The following SCARA3 variants were observed in gnomAD, a reference collection of about 807,000 sequenced individuals.
SCARA3 encodes cellular stress response gene protein.
In SCARA3, 39 loss-of-function variants were observed where a neutral mutation model predicts 47.0. The observed-to-expected ratio is 0.83, with a 90% CI of 0.64 to 1.08. SCARA3 has a LOEUF of 1.08. Ranked by LOEUF, SCARA3 falls within the 50% of genes least tolerant of loss-of-function variation. The pLI is 0.00. For synonymous variants in SCARA3, 356 were observed against 334.1 expected, an observed-to-expected ratio of 1.07 and a Z score of -0.71; for missense variants, 724 against 792.3, an observed-to-expected ratio of 0.91 and a Z score of 1.04.
chr8:27,661,557 TAAG>T (rs1249841003), intron 5 of SCARA3, among the ~76,000 whole-genome samples: 1 of 151,950 alleles, frequency 6.6e-6, no homozygotes. Context: ...ATTAAAAAAA[TAAG>T]GAGGATTGAT....
chr8:27,686,959 C>T, the SCARA3 span, among the ~76,000 whole-genome samples: 3 of 151,974 alleles, frequency 2.0e-5, no homozygotes, highest in Admixed American at 1.3e-4. Context: ...ACCCACCCCT[C>T]GACAGGCCCC....
the SCARA3 span, among the ~76,000 whole-genome samples, chr8:27,700,112 T>G: frequency 6.6e-6 from 1 of 152,126 alleles, no homozygotes; most frequent in Non-Finnish European, 1.5e-5. Context: ...CTTTAAGAAA[T>G]ATGGTCATGA....
At chr8:27,688,486 A>C in the SCARA3 span, among the ~76,000 whole-genome samples, 1 of 151,882 alleles carries the variant, frequency 6.6e-6, no homozygotes, top group African/African-American at 2.4e-5. Flanking sequence ...GCTTGAGTGC[A>C]GGAGTTCAAG....
At chr8:27,673,118 C>A (rs1425786434), downstream of SCARA3, 5 of 513,626 alleles carry the variant, frequency 9.7e-6, no homozygotes, top group Middle Eastern at 9.7e-4. Context: ...GACGAGGGTC[C>A]CCCAAAAATT....
intron 1 of SCARA3, among the ~76,000 whole-genome samples, chr8:27,648,189 G>A (rs568545097): frequency 3.3e-5 from 5 of 152,362 alleles, no homozygotes; most frequent in African/African-American, 1.2e-4. Context: ...GGGCTGCTAA[G>A]CAACATTCTT....
chr8:27,690,131 C>T, the SCARA3 span, among the ~76,000 whole-genome samples: 1 of 152,142 alleles, frequency 6.6e-6, no homozygotes, highest in Non-Finnish European at 1.5e-5. Flanking sequence ...TCTTAACACT[C>T]TGGGATAAAA....
chr8:27,711,674 A>T, the SCARA3 span, among the ~76,000 whole-genome samples: 3 of 152,162 alleles, frequency 2.0e-5, no homozygotes, highest in Non-Finnish European at 4.4e-5. Context: ...GCTAGGAAAT[A>T]TATATTTTTG....
At chr8:27,636,776 G>T (rs1212206221) in intron 1 of SCARA3, among the ~76,000 whole-genome samples, 9 of 152,196 alleles carry the variant, frequency 5.9e-5, no homozygotes, top group Admixed American at 5.9e-4. Flanking sequence ...ATGGGCTGCG[G>T]GGCTGGGGGC....
At chr8:27,668,974 A>G (rs920669008) in intron 5 of SCARA3, among the ~76,000 whole-genome samples, 3 of 152,216 alleles carry the variant, frequency 2.0e-5, no homozygotes, top group African/African-American at 7.2e-5. Flanking sequence ...GTGTAGGAGC[A>G]GGGCAGGGCA....
At chr8:27,695,595 C>G in the SCARA3 span, among the ~76,000 whole-genome samples, 2 of 151,894 alleles carry the variant, frequency 1.3e-5, no homozygotes, top group African/African-American at 2.4e-5. Flanking sequence ...TATTAGCAGA[C>G]AAACACTAAA....
chr8:27,717,215 C>G, the SCARA3 span, among the ~76,000 whole-genome samples: 1 of 152,276 alleles, frequency 6.6e-6, no homozygotes, highest in East Asian at 1.9e-4. Flanking sequence ...AGGTGAAGTT[C>G]TTTGCAAATT....
the SCARA3 span, among the ~76,000 whole-genome samples, chr8:27,710,019 A>G: frequency 1.3e-5 from 2 of 152,178 alleles, no homozygotes; most frequent in East Asian, 1.9e-4. Context: ...TCATGAGGTC[A>G]GGAGATCAAG....
At chr8:27,643,955 A>G (rs1801438280) in intron 1 of SCARA3, among the ~76,000 whole-genome samples, 1 of 152,044 alleles carries the variant, frequency 6.6e-6, no homozygotes, top group African/African-American at 2.4e-5. Context: ...GCTATTTTCT[A>G]CCCCCAAAGG....
the SCARA3 span, among the ~76,000 whole-genome samples, chr8:27,726,779 G>GTATT: frequency 0.019 from 2,862 of 152,052 alleles, 87 homozygotes; most frequent in African/African-American, 0.064. Flanking sequence ...TGCTTTGACA[G>GTATT]TATTTATTTA....
At chr8:27,645,375 AGTTGAGGGGAGCT>A (rs1801471462) in intron 1 of SCARA3, among the ~76,000 whole-genome samples, 1 of 152,272 alleles carries the variant, frequency 6.6e-6, no homozygotes, top group Non-Finnish European at 1.5e-5. Context: ...TGCTGAAAGC[AGTTGAGGGGAGCT>A]TTCCTGACCA....
intron 1 of SCARA3, among the ~76,000 whole-genome samples, chr8:27,642,467 G>T (rs1205768062): frequency 6.6e-6 from 1 of 152,190 alleles, no homozygotes; most frequent in Non-Finnish European, 1.5e-5. Context: ...AGGGAAGTGG[G>T]GTGCCCATGC....
chr8:27,672,359 G>A lies in SCARA3; in HGVS notation c.*1008G>A. 1 of 985,492 alleles carries A rather than the reference G, an allele frequency of 1.0e-6. No individual in the cohort carries two copies. The highest frequency in any genetic ancestry group is 4.7e-5 in the South Asian group (1 of 21,294). 61.0% of individuals were successfully genotyped at this position (985,492 alleles called of 1,614,324 possible). A position where few individuals can be genotyped will look rare whatever the true frequency, so the allele number is the denominator to read the frequency against. On this transcript the variant is annotated 3_prime_UTR_variant, in exon 6 of 6. Transcript: ENST00000301904. ...GGAACATTGGGCCTGAGTGGAGATG[G>A]GAGACAGAGGCAGGCCAGAAGGTTC...
chr8:27,722,423 A>G, the SCARA3 span, among the ~76,000 whole-genome samples: 1 of 152,102 alleles, frequency 6.6e-6, no homozygotes, highest in Non-Finnish European at 1.5e-5. Context: ...CATCTATAAA[A>G]AAAGAGGTCA....
At chr8:27,689,146 G>T in the SCARA3 span, among the ~76,000 whole-genome samples, 1 of 152,082 alleles carries the variant, frequency 6.6e-6, no homozygotes, top group Non-Finnish European at 1.5e-5. Context: ...AGGAGTGTGT[G>T]TGTCCAGGCA....
Sources: gnomAD v4.1 joint callset for allele counts (sites outside exome capture counted in the v4.1 genomes callset) on GRCh38, gnomAD v4.1.1 for gene constraint, MANE v1.5 for transcripts, NCBI Gene and HGNC (gene_info 2026-07-23, HGNC 2026-07-21) for gene names.